Variants in UBE2F observed in about 807,000 individuals in gnomAD.
The protein encoded by UBE2F is ubiquitin conjugating enzyme E2 F (putative).
Under a neutral mutation model 29.6 loss-of-function variants are expected in UBE2F, and 5 were observed. That is an observed-to-expected ratio of 0.17 (90% CI 0.09 to 0.36). The LOEUF (loss-of-function observed/expected upper bound fraction) is 0.36. Ranked by LOEUF, UBE2F falls within the 10% of genes least tolerant of loss-of-function variation. The pLI is 1.00. For synonymous variants in UBE2F, 66 were observed against 81.8 expected (o/e 0.81, Z 1.04); for missense variants, 141 against 228.5 (o/e 0.62, Z 2.47).
At chr2:238,018,835 G>A (rs539321033) in intron 5 of UBE2F, among the ~76,000 whole-genome samples, 11 of 152,308 alleles carry the variant, frequency 7.2e-5, no homozygotes, top group South Asian at 6.2e-4. Flanking sequence ...GCTTTTAAGC[G>A]TGTGCCCTTC....
At chr2:238,038,760 T>G (rs757047573) in intron 9 of UBE2F, among the ~76,000 whole-genome samples, 1 of 152,234 alleles carries the variant, frequency 6.6e-6, no homozygotes, top group African/African-American at 2.4e-5. Flanking sequence ...CATCCCCGTC[T>G]CCGTGCGGAG....
intron 2 of UBE2F, among the ~76,000 whole-genome samples, chr2:237,984,147 C>G (rs1012140796): frequency 6.6e-6 from 1 of 152,066 alleles, no homozygotes; most frequent in Non-Finnish European, 1.5e-5. Context: ...CACATCACCT[C>G]TGGGTGCCAT....
intron 4 of UBE2F, among the ~76,000 whole-genome samples, chr2:238,004,319 T>C (rs1241815954): frequency 3.3e-5 from 5 of 152,220 alleles, no homozygotes; most frequent in Non-Finnish European, 7.3e-5. Flanking sequence ...TGGTATTTAA[T>C]TGTGGTATTA....
chr2:237,994,740 G>A lies in UBE2F; in HGVS notation c.149-4G>A, dbSNP rs200410566. On this transcript the variant is annotated splice_region_variant and splice_polypyrimidine_tract_variant and intron_variant, in intron 3 of 9. Coordinates refer to ENST00000272930, the MANE Select transcript of UBE2F (RefSeq NM_080678.3). The stretch of plus-strand genomic sequence containing the variant: ...ACCTTCCTGATGTGCTGTTTCTTTT[G>A]CAGGTACATGTAAAGTGCATTTTCC... 3.8e-5 allele frequency: 61 copies of A among 1,613,768 alleles called. No homozygotes were observed. In the East Asian group the frequency reaches 1.3e-3, roughly 35 times the overall value.
At chr2:238,016,748 C>A in intron 5 of UBE2F, 115 bp downstream of exon 5, 1 of 775,172 alleles carries the variant, frequency 1.3e-6, no homozygotes, top group Non-Finnish European at 2.1e-6. Flanking sequence ...CCATGTGTGA[C>A]TGAGTACTCA....
chr2:237,991,609 C>CTTTCTTTTTTT lies in UBE2F; in HGVS notation c.149-3132_149-3131insCTTTTTTTTTT, dbSNP rs57180067. ...AACCTTTCTTTTCTTTTCTTTCTTT[C>CTTTCTTTTTTT]TTTTTTTTTTTTTGAGACAGTCTTG... On this transcript the variant is annotated intron_variant, in intron 3 of 9. Coordinates refer to ENST00000272930, the MANE Select transcript of UBE2F (RefSeq NM_080678.3). Among the ~76,000 whole-genome samples the CTTTCTTTTTTT allele has an allele frequency of 1.9e-4, 10 of 53,050 alleles. 1 individual carries two copies. The East Asian group carries it at 3.6e-3, about 19-fold the overall frequency. 34.8% of individuals were successfully genotyped at this position (53,050 alleles called of 152,430 possible).
intron 9 of UBE2F, 28 bp downstream of exon 9, chr2:238,035,968 T>C: frequency 6.3e-7 from 1 of 1,592,032 alleles, no homozygotes; most frequent in South Asian, 1.1e-5. Context: ...TTATTCTAGG[T>C]TGATGTACTT....
chr2:237,972,258 C>A (rs2063190247), intron 1 of UBE2F, among the ~76,000 whole-genome samples: 1 of 152,322 alleles, frequency 6.6e-6, no homozygotes, highest in East Asian at 1.9e-4. Flanking sequence ...GGAAGGAGAG[C>A]AAAGAGTGGT....
In UBE2F at chr2:237,973,176, G is replaced by A. The variant is rs778478223; in HGVS notation, c.69G>A (p.Ala23=). 6.2e-6 allele frequency: 10 copies of A among 1,613,942 alleles called. No individual in the cohort carries two copies. In the East Asian group the frequency reaches 6.7e-5, roughly 11 times the overall value. Residue 23 remains alanine, a synonymous_variant, in exon 2 of 10, where the codon GCG becomes GCA. Coordinates refer to ENST00000272930, the MANE Select transcript of UBE2F (RefSeq NM_080678.3). ...AAGGGTCCCGGACGGCAGCCACAGC[G>A]TCCGACTCGACTCGGAGGGTTTCTG... ...GLKGSRTAAT[A]SDSTRRVSVR...
chr2:238,029,080 A>G (rs1396895539), intron 6 of UBE2F: 8 of 152,060 alleles, frequency 5.3e-5, no homozygotes, highest in Admixed American at 4.6e-4. Context: ...GATCATTTCC[A>G]TGAGAGTATA....
chr2:237,981,627 T>C (rs1246034872), intron 2 of UBE2F, among the ~76,000 whole-genome samples: 4 of 130,216 alleles, frequency 3.1e-5, no homozygotes, highest in Non-Finnish European at 6.3e-5. Context: ...TTTTTTTTTT[T>C]TTTTTTTTTT....
intron 4 of UBE2F, among the ~76,000 whole-genome samples, chr2:238,009,489 G>T (rs545572598): frequency 1.2e-4 from 19 of 152,198 alleles, no homozygotes; most frequent in African/African-American, 4.6e-4. Flanking sequence ...GCTGTTAAGC[G>T]CATCCAGTGA....
At chr2:237,991,719 C>T (rs779958845) in intron 3 of UBE2F, among the ~76,000 whole-genome samples, 11 of 150,738 alleles carry the variant, frequency 7.3e-5, no homozygotes, top group Non-Finnish European at 1.6e-4. Flanking sequence ...TTTCCTGCCT[C>T]AGCCTCCTGA....
intron 4 of UBE2F, among the ~76,000 whole-genome samples, chr2:238,001,776 C>T (rs1031000145): frequency 2.5e-4 from 38 of 152,092 alleles, no homozygotes; most frequent in African/African-American, 8.9e-4. Context: ...GCCGAGATTG[C>T]GCCACTGCAC....
chr2:238,035,079 A>T (rs1175953124), intron 8 of UBE2F: 1 of 152,132 alleles, frequency 6.6e-6, no homozygotes, highest in East Asian at 1.9e-4. Flanking sequence ...TTTGGTAGAG[A>T]CGGGGTTTCA....
chr2:238,037,482 G>A (rs949095069), intron 9 of UBE2F, among the ~76,000 whole-genome samples: 1 of 152,278 alleles, frequency 6.6e-6, no homozygotes, highest in Non-Finnish European at 1.5e-5. Context: ...TGGCGTCGAG[G>A]TAGCTCAGCT....
chr2:238,033,617 A>T (rs1481322053), intron 8 of UBE2F, among the ~76,000 whole-genome samples: 2 of 152,194 alleles, frequency 1.3e-5, no homozygotes, highest in African/African-American at 4.8e-5. Context: ...TCTTATCTTC[A>T]GCAAAAGCAG....
intron 5 of UBE2F, among the ~76,000 whole-genome samples, chr2:238,018,057 A>G (rs2106385789): frequency 6.6e-6 from 1 of 152,360 alleles, no homozygotes; most frequent in Non-Finnish European, 1.5e-5. Flanking sequence ...TTAAATTTGT[A>G]GACAAAGATG....
chr2:237,970,502 T>C (rs1481382753), intron 1 of UBE2F, among the ~76,000 whole-genome samples: 4 of 152,192 alleles, frequency 2.6e-5, no homozygotes, highest in Non-Finnish European at 4.4e-5. Context: ...GGGGTCCACA[T>C]GTTAAAATGG....
Sources: allele counts gnomAD v4.1 joint callset (sites outside exome capture counted in the v4.1 genomes callset), GRCh38; gene constraint gnomAD v4.1.1; transcripts MANE v1.5; gene names NCBI Gene and HGNC (gene_info 2026-07-23, HGNC 2026-07-21).